Variants in FAM131B observed in about 807,000 individuals in gnomAD.
FAM131B encodes family with sequence similarity 131 member B, also known as protein FAM131B.
A neutral mutation model predicts 42.0 loss-of-function variants in FAM131B; 19 were observed. The ratio of observed to expected loss-of-function variants is 0.45; its 90% CI spans 0.32 to 0.66. FAM131B has a LOEUF of 0.66. Among genes scored for constraint, FAM131B ranks in the 30% least tolerant of loss-of-function variants. The pLI, the probability that FAM131B is intolerant of heterozygous loss-of-function variation, is 0.05. For missense variants in FAM131B, 370 were observed against 468.4 expected (o/e 0.79, Z 1.94); for synonymous variants, 183 against 177.6 (o/e 1.03, Z -0.24).
Position 143,359,060 on chromosome 7 carries a change from A to G in FAM131B, c.269-36T>C, listed in dbSNP as rs1249884359. On this transcript the variant is annotated intron_variant, in intron 4 of 6. Coordinates refer to ENST00000443739, the MANE Select transcript of FAM131B (RefSeq NM_001031690.3). The surrounding 1 kb of genome is among the most constrained non-coding windows in gnomAD (Gnocchi z 5.4). ...AGACATTTCCCACATCCTCCAGAATATCACACAATACCCATAACCAGACCC... is the reference window on the plus strand; with the variant it reads ...AGACATTTCCCACATCCTCCAGAATGTCACACAATACCCATAACCAGACCC... 1.9e-6 allele frequency: 3 copies of G among 1,595,284 alleles called. No individual in the cohort carries two copies. The highest frequency in any genetic ancestry group is 3.4e-5 in the Admixed American group (2 of 59,206).
At position 143,356,979 on chromosome 7, in the gene FAM131B, G is replaced by A. The variant is rs138242159; in HGVS notation, c.654C>T (p.Tyr218=). The change falls in exon 7 of 7, where the codon TAC becomes TAT. Residue 218 remains tyrosine (Y), a synonymous_variant. Coordinates refer to ENST00000443739, the MANE Select transcript of FAM131B (RefSeq NM_001031690.3). The surrounding 1 kb of genome is among the most constrained non-coding windows in gnomAD (Gnocchi z 4.4). ...QAPMDGWPHS[Y]VSQGMYCLGS... is the part of the protein sequence containing the mutation. ...CCAGACAGTACATACCCTGGGACAC[G>A]TAAGAGTGAGGCCATCCATCCATGG... 3.3e-4 allele frequency: 526 copies of A among 1,613,954 alleles called. 5 individuals carry two copies. In the South Asian group the frequency reaches 4.7e-3, roughly 14 times the overall value.
chr7:143,355,864 CTT>C lies in FAM131B; in HGVS notation c.*684_*685del, dbSNP rs1803625182. The C allele has an allele frequency of 1.3e-5, 2 of 152,718 alleles. No individual in the cohort carries two copies. Among genetic ancestry groups the C allele is most frequent in the Non-Finnish European group, 2.9e-5 (2 of 68,362 alleles). 9.5% of individuals were successfully genotyped at this position (152,718 alleles called of 1,614,324 possible). A position where few individuals can be genotyped will look rare whatever the true frequency, so the allele number is the denominator to read the frequency against. On this transcript the variant is annotated 3_prime_UTR_variant, in exon 7 of 7. Transcript: ENST00000443739. The surrounding 1 kb of genome is among the most constrained non-coding windows in gnomAD (Gnocchi z 4.1). Reference sequence around the variant, plus strand: ...TGTTCTTAGTCTCCTCAGTGACTCTCTTGTCTCCGGGCAGGCCTTGATAGAAA... The same window carrying C: ...TGTTCTTAGTCTCCTCAGTGACTCTCGTCTCCGGGCAGGCCTTGATAGAAA...
At chr7:143,367,737 T>C (rs1245163532), upstream of FAM131B, among the ~76,000 whole-genome samples, 1 of 152,084 alleles carries the variant, frequency 6.6e-6, no homozygotes, top group Non-Finnish European at 1.5e-5. Context: ...CTTATCGGCA[T>C]GGGCAAACGT....
chr7:143,375,724 C>A, the FAM131B span, among the ~76,000 whole-genome samples: 2 of 152,332 alleles, frequency 1.3e-5, no homozygotes, highest in Admixed American at 1.3e-4. Context: ...AACCTCCACT[C>A]TCTGCAATGT....
rs891143725 is a variant in FAM131B at position 143,359,808 on chromosome 7, C to A, written c.139-41G>T. The stretch of plus-strand genomic sequence containing the variant: ...AAAGGGAATGGGCATCCCAGTCACT[C>A]GCAGGAATGCAAGGAAGCCCCCTTC... On this transcript the variant is annotated intron_variant, in intron 2 of 6. Coordinates refer to ENST00000443739, the MANE Select transcript of FAM131B (RefSeq NM_001031690.3). This position sits in a 1 kb window ranked among gnomAD's most constrained non-coding sequence, Gnocchi z 5.4. 3.2e-6 allele frequency: 5 copies of A among 1,543,454 alleles called. No individual in the cohort carries two copies. The African/African-American group carries it at 6.8e-5, about 21-fold the overall frequency.
intron 6 of FAM131B, 90 bp downstream of exon 6, chr7:143,357,190 G>T: frequency 7.2e-7 from 1 of 1,387,774 alleles, no homozygotes; most frequent in Non-Finnish European, 1.0e-6. Context: ...GGACAAGGAA[G>T]TCTTAAAAGA....
chr7:143,359,315 A>G lies in FAM131B; in HGVS notation c.268+11T>C, dbSNP rs1803836517. 1.3e-6 allele frequency: 2 copies of G among 1,598,676 alleles called. No homozygotes were observed. The highest frequency in any genetic ancestry group is 1.7e-6 in the Non-Finnish European group (2 of 1,166,704). On this transcript the variant is annotated intron_variant, in intron 4 of 6. Transcript: ENST00000443739. The surrounding 1 kb of genome is among the most constrained non-coding windows in gnomAD (Gnocchi z 5.4). ...TTTTGTCTGAAGGCATTCTTACATCAGGAGTCTCACCTGAGAATGATGACT... is the reference window on the plus strand; with the variant it reads ...TTTTGTCTGAAGGCATTCTTACATCGGGAGTCTCACCTGAGAATGATGACT...
Position 143,356,394 on chromosome 7 carries a change from C to T in FAM131B, c.*156G>A, listed in dbSNP as rs1563094560. 1.3e-5 allele frequency: 8 copies of T among 618,760 alleles called. No individual in the cohort carries two copies. Among genetic ancestry groups the T allele is most frequent in the Non-Finnish European group, 1.7e-5 (6 of 353,338 alleles). 38.3% of individuals were successfully genotyped at this position (618,760 alleles called of 1,614,324 possible). A position where few individuals can be genotyped will look rare whatever the true frequency, so the allele number is the denominator to read the frequency against. On this transcript the variant is annotated 3_prime_UTR_variant, in exon 7 of 7. Coordinates refer to ENST00000443739, the MANE Select transcript of FAM131B (RefSeq NM_001031690.3). This position sits in a 1 kb window ranked among gnomAD's most constrained non-coding sequence, Gnocchi z 4.4. ...CTAGAGTGTAAGCCTGGATAAAATC[C>T]CATCCTGGTCCTCCATTTCCAGGAG...
At chr7:143,373,870 A>G in the FAM131B span, among the ~76,000 whole-genome samples, 1 of 152,220 alleles carries the variant, frequency 6.6e-6, no homozygotes, top group Non-Finnish European at 1.5e-5. Context: ...CTGCGCTCAC[A>G]GTGTAGGCAA....
chr7:143,359,392 G>T lies in FAM131B; in HGVS notation c.202C>A (p.Leu68Ile). ...TTAGAGTTTCGCTTAAGCTTCGGAA[G>T]AATGGAAGTGGTGTCCTCCATGGAG... ...NLSMEDTTSI[L>I]PKLKRNSNAY... Residue 68 changes from leucine (L) to isoleucine (I), a missense_variant, in exon 4 of 7, where the codon CTT becomes ATT. Physicochemically the swap from Leu to Ile is conservative, Grantham distance 5. Transcript: ENST00000443739. This position sits in a 1 kb window ranked among gnomAD's most constrained non-coding sequence, Gnocchi z 5.4. 3 of 1,613,786 alleles carry T rather than the reference G, an allele frequency of 1.9e-6. No individual in the cohort carries two copies. The highest frequency in any genetic ancestry group is 2.5e-6 in the Non-Finnish European group (3 of 1,179,946).
chr7:143,369,087 A>G, the FAM131B span, among the ~76,000 whole-genome samples: 1 of 152,220 alleles, frequency 6.6e-6, no homozygotes, highest in African/African-American at 2.4e-5. Context: ...AATACTTAGA[A>G]ATCAAGTTCC....
the FAM131B span, among the ~76,000 whole-genome samples, chr7:143,371,989 C>A: frequency 6.6e-6 from 1 of 152,080 alleles, no homozygotes; most frequent in African/African-American, 2.4e-5. Flanking sequence ...GTTTAATTTT[C>A]TCCTTGCAAC....
chr7:143,372,510 G>T, the FAM131B span, among the ~76,000 whole-genome samples: 4 of 152,196 alleles, frequency 2.6e-5, 1 homozygote, highest in Admixed American at 2.0e-4. Context: ...ATGGCTCAGG[G>T]TCTATTTAGA....
Position 143,354,225 on chromosome 7 carries a change from A to T in FAM131B, c.*2325T>A, listed in dbSNP as rs1337312172. The T allele has an allele frequency of 6.6e-6, 1 of 152,534 alleles. No individual in the cohort carries two copies. Among genetic ancestry groups the T allele is most frequent in the Non-Finnish European group, 1.5e-5 (1 of 68,056 alleles). 9.4% of individuals were successfully genotyped at this position (152,534 alleles called of 1,614,324 possible). Reference sequence around the variant, plus strand: ...CCAGCACCCTGGGGAAAGCAGGTTCATGTATGAACCCTGCTAGAGTCCTTC... The same window carrying T: ...CCAGCACCCTGGGGAAAGCAGGTTCTTGTATGAACCCTGCTAGAGTCCTTC... On this transcript the variant is annotated 3_prime_UTR_variant, in exon 7 of 7. Coordinates refer to ENST00000443739, the MANE Select transcript of FAM131B (RefSeq NM_001031690.3).
chr7:143,361,922 TCCCCCAGCCCCTTCCCTCCACCCGG>T, intron 1 of FAM131B: 2 of 404,964 alleles, frequency 4.9e-6, no homozygotes, highest in Non-Finnish European at 6.6e-6. Flanking sequence ...CCTCCCCGCG[TCCCCCAGCCCCTTCCCTCCACCCGG>T]CCCTGGCCCT....
At chr7:143,369,012 G>A in the FAM131B span, among the ~76,000 whole-genome samples, 3 of 152,204 alleles carry the variant, frequency 2.0e-5, no homozygotes, top group Non-Finnish European at 4.4e-5. Flanking sequence ...GCATTTTCCC[G>A]ACAGTGAAAG....
At chr7:143,381,896 C>A in the FAM131B span, 1 of 1,038,626 alleles carries the variant, frequency 9.6e-7, no homozygotes, top group Non-Finnish European at 1.4e-6. Flanking sequence ...CGCAGCCACC[C>A]TGTCCCGAGC....
At chr7:143,366,227 G>C (rs982241185), upstream of FAM131B, among the ~76,000 whole-genome samples, 3 of 152,214 alleles carry the variant, frequency 2.0e-5, no homozygotes, top group African/African-American at 7.2e-5. Flanking sequence ...ATAAACTGAA[G>C]AGAGGAATAC....
chr7:143,356,788 C>A lies in FAM131B; in HGVS notation c.845G>T (p.Gly282Val). ...YSALEPPPLL[G>V]GDTDWAPGVG... ...CCCCGGAGCCCAGTCAGTGTCTCCC[C>A]CCAGCAAAGGTGGAGGCTCCAGAGC... is the stretch of plus-strand genomic sequence containing the variant. Residue 282 changes from glycine (G) to valine (V), a missense_variant, in exon 7 of 7, where the codon GGG becomes GTG. Gly to Val is a moderately radical substitution (Grantham distance 109). Coordinates refer to ENST00000443739, the MANE Select transcript of FAM131B (RefSeq NM_001031690.3). The surrounding 1 kb of genome is among the most constrained non-coding windows in gnomAD (Gnocchi z 4.4). The A allele has an allele frequency of 6.2e-7, 1 of 1,614,126 alleles. No homozygotes were observed. The highest frequency in any genetic ancestry group is 8.5e-7 in the Non-Finnish European group (1 of 1,180,022).
Sources: gnomAD v4.1 joint callset for allele counts (sites outside exome capture counted in the v4.1 genomes callset) on GRCh38, gnomAD v4.1.1 for gene constraint, Gnocchi (gnomAD v3.1) non-coding constraint, MANE v1.5 for transcripts, NCBI Gene and HGNC (gene_info 2026-07-23, HGNC 2026-07-21) for gene names.